RRM2: variants seen among roughly 807,000 people sequenced by gnomAD.
The protein encoded by RRM2 is ribonucleotide reductase regulatory subunit M2.
RRM2 carries 6 observed loss-of-function variants against 45.9 expected under a neutral mutation model. The ratio of observed to expected loss-of-function variants is 0.13; its 90% CI spans 0.07 to 0.26. The LOEUF is 0.26. RRM2 is among the 10% of genes least tolerant of loss of function. The probability of loss-of-function intolerance (pLI) is 1.00; values close to 1 mark genes in which losing one functional copy is unlikely to be tolerated. For missense variants in RRM2, 343 were observed against 489.5 expected (o/e 0.70, Z 2.82); for synonymous variants, 177 against 173.0 (o/e 1.02, Z -0.18).
At chr2:10,203,920 A>G (rs1344531255) in intron 3 of RRM2, among the ~76,000 whole-genome samples, 3 of 151,904 alleles carry the variant, frequency 2.0e-5, no homozygotes, top group Non-Finnish European at 4.4e-5. Flanking sequence ...CAAAGACTCA[A>G]ATGGTGGCTG....
At chr2:10,207,519 A>G (rs886210688) in intron 3 of RRM2, among the ~76,000 whole-genome samples, 4 of 151,860 alleles carry the variant, frequency 2.6e-5, no homozygotes, top group Non-Finnish European at 5.9e-5. Context: ...TTCAGTCCCC[A>G]CCCACCTCTC....
At position 10,127,196 on chromosome 2, in the gene RRM2, T is replaced by C; in HGVS notation, c.774T>C (p.Ser258=). 1 of 1,614,070 alleles carries C rather than the reference T, an allele frequency of 6.2e-7. No individual in the cohort carries two copies. The highest frequency in any genetic ancestry group is 8.5e-7 in the Non-Finnish European group (1 of 1,180,038). ...KRGLMPGLTF[S]NELISRDEGL... ...GACTGATGCCTGGCCTCACATTTTC[T>C]AATGAACTTATTAGCAGAGATGAGG... is the stretch of plus-strand genomic sequence containing the variant. Residue 258 remains serine, a synonymous_variant, in exon 7 of 10, where the codon TCT becomes TCC. Coordinates refer to ENST00000304567, the MANE Select transcript of RRM2 (RefSeq NM_001034.4). This position sits in a 1 kb window ranked among gnomAD's most constrained non-coding sequence, Gnocchi z 4.1.
At chr2:10,142,301 G>A (rs762461930) in exon 3 of RRM2, 2 of 1,405,876 alleles carry the variant, frequency 1.4e-6, no homozygotes, top group Admixed American at 1.9e-5. Context: ...GTCTTGAAAG[G>A]GAATCCCCTG....
At chr2:10,155,993 C>G (rs902093644) in intron 3 of RRM2, 5 of 152,336 alleles carry the variant, frequency 3.3e-5, no homozygotes, top group Admixed American at 2.0e-4. Flanking sequence ...CCCGCCAGCC[C>G]ACACTGCTCT....
chr2:10,151,957 T>A (rs1396055433), intron 3 of RRM2, among the ~76,000 whole-genome samples: 2 of 1,998 alleles, frequency 1.0e-3, no homozygotes, highest in African/African-American at 0.077. Context: ...TTTTATTTTA[T>A]TTTTTTTTTG....
chr2:10,128,987 G>C (rs756979536), intron 8 of RRM2, 35 bp downstream of exon 8: 3 of 1,609,326 alleles, frequency 1.9e-6, no homozygotes, highest in Middle Eastern at 1.7e-4. Flanking sequence ...ACTCAAGCTT[G>C]CTAGAAAATG....
intron 3 of RRM2, among the ~76,000 whole-genome samples, chr2:10,167,146 C>A (rs1455205094): frequency 6.6e-6 from 1 of 152,248 alleles, no homozygotes; most frequent in Non-Finnish European, 1.5e-5. Flanking sequence ...CACTCTCCCA[C>A]CCCTGCGTGG....
chr2:10,174,766 C>T (rs1663877620), intron 3 of RRM2, among the ~76,000 whole-genome samples: 1 of 151,524 alleles, frequency 6.6e-6, no homozygotes, highest in African/African-American at 2.4e-5. Context: ...ATTTGGGAGG[C>T]AGAGGCAGGA....
rs1165442013 is a variant in RRM2, at chr2:10,172,701, G to A, written n.482+30326G>A. Reference sequence around the variant, plus strand: ...TGCAGCCTCTGAATAGAATCCTGGCGAAGGGAGGGGCTGGGTGTGTTGTTG... The same window carrying A: ...TGCAGCCTCTGAATAGAATCCTGGCAAAGGGAGGGGCTGGGTGTGTTGTTG... On this transcript the variant is annotated intron_variant and non_coding_transcript_variant, in intron 3 of 3. Transcript: ENST00000381786. The surrounding 1 kb of genome is among the most constrained non-coding windows in gnomAD (Gnocchi z 4.9). Among the ~76,000 whole-genome samples, 1 of 152,178 alleles carries A rather than the reference G, an allele frequency of 6.6e-6. No individual in the cohort carries two copies. The highest frequency in any genetic ancestry group is 2.4e-5 in the African/African-American group (1 of 41,444).
chr2:10,139,966 T>C (rs541834880), upstream of RRM2, among the ~76,000 whole-genome samples: 2 of 152,290 alleles, frequency 1.3e-5, no homozygotes, highest in African/African-American at 4.8e-5. Flanking sequence ...ATCAAAAGAA[T>C]GGCTGGGCGT....
At chr2:10,161,177 C>T (rs1411742779) in intron 3 of RRM2, among the ~76,000 whole-genome samples, 8 of 152,196 alleles carry the variant, frequency 5.3e-5, no homozygotes, top group African/African-American at 1.9e-4. Context: ...CCCACCTCAG[C>T]CTCCCAAGTA....
At chr2:10,155,087 C>A (rs1663397721) in intron 3 of RRM2, 1 of 223,364 alleles carries the variant, frequency 4.5e-6, no homozygotes, top group Admixed American at 5.7e-5. Flanking sequence ...TTGCTTCCAA[C>A]TGAATTGGCC....
upstream of RRM2, among the ~76,000 whole-genome samples, chr2:10,140,641 G>A (rs1043269143): frequency 9.2e-5 from 14 of 152,276 alleles, no homozygotes; most frequent in African/African-American, 3.4e-4. Context: ...AGGGAAAGCT[G>A]TTTACAGGAA....
intron 3 of RRM2, among the ~76,000 whole-genome samples, chr2:10,160,015 C>G (rs1453344906): frequency 6.6e-6 from 1 of 152,182 alleles, no homozygotes; most frequent in Non-Finnish European, 1.5e-5. Context: ...CCCTGCCCCT[C>G]CAGGCCCTCT....
At chr2:10,142,664 T>C (rs1374534503) in intron 3 of RRM2, among the ~76,000 whole-genome samples, 3 of 151,568 alleles carry the variant, frequency 2.0e-5, no homozygotes, top group Admixed American at 6.6e-5. Flanking sequence ...GCCCCCACCA[T>C]GGCCAGATCC....
chr2:10,122,575 C>T (rs1662673818), upstream of RRM2: 2 of 1,443,834 alleles, frequency 1.4e-6, no homozygotes, highest in African/African-American at 1.5e-5. Flanking sequence ...TTGAAAATCG[C>T]GCGCGGCCCC....
chr2:10,139,567 G>C (rs1354620471), upstream of RRM2, among the ~76,000 whole-genome samples: 1 of 152,206 alleles, frequency 6.6e-6, no homozygotes, highest in African/African-American at 2.4e-5. Flanking sequence ...GGGCGGATGA[G>C]GGGACAGTTA....
chr2:10,180,250 G>T (rs1664019019), intron 3 of RRM2, among the ~76,000 whole-genome samples: 1 of 152,198 alleles, frequency 6.6e-6, no homozygotes, highest in African/African-American at 2.4e-5. Context: ...AAGCTGGCTT[G>T]GTCTGGTGAA....
intron 3 of RRM2, among the ~76,000 whole-genome samples, chr2:10,161,957 G>C (rs755540613): frequency 4.6e-5 from 7 of 152,222 alleles, no homozygotes; most frequent in Non-Finnish European, 7.3e-5. Flanking sequence ...AACCGGGAGA[G>C]GGGAGAGAAC....
Sources: gnomAD v4.1 joint callset for allele counts (sites outside exome capture counted in the v4.1 genomes callset) on GRCh38, gnomAD v4.1.1 for gene constraint, Gnocchi (gnomAD v3.1) non-coding constraint, MANE v1.5 for transcripts, NCBI Gene and HGNC (gene_info 2026-07-23, HGNC 2026-07-21) for gene names.